Variants in ANKRD17 observed in about 807,000 individuals in gnomAD.
ANKRD17 encodes the protein ankyrin repeat domain 17, also known as ankyrin repeat domain-containing protein 17.
ANKRD17 carries 19 observed loss-of-function variants against 229.7 expected under a neutral mutation model. The ratio of observed to expected loss-of-function variants is 0.08; its 90% confidence interval spans 0.06 to 0.12. The LOEUF (loss-of-function observed/expected upper bound fraction) is 0.12, where lower values mean the gene tolerates loss of function less well. Among genes scored for constraint, ANKRD17 ranks in the 10% least tolerant of loss-of-function variants. ANKRD17 has a pLI of 1.00. For missense variants in ANKRD17, 2,176 were observed against 3,176.8 expected (o/e 0.68, Z 7.57); for synonymous variants, 1,112 against 1,146.1 (o/e 0.97, Z 0.60).
At chr4:73,106,953 A>G (rs1304877258) in intron 24 of ANKRD17, among the ~76,000 whole-genome samples, 1 of 151,890 alleles carries the variant, frequency 6.6e-6, no homozygotes, top group African/African-American at 2.4e-5. Context: ...TGAAGACAAA[A>G]GATAAGAGAG....
intron 1 of ANKRD17, among the ~76,000 whole-genome samples, chr4:73,240,441 C>A (rs1743911047): frequency 1.4e-5 from 2 of 141,766 alleles, no homozygotes; most frequent in South Asian, 2.3e-4. Context: ...TTGGGCAACA[C>A]AGCAAGACTA....
rs1030662893 is a variant in ANKRD17 at position 73,258,724 on chromosome 4, C to T, written c.-56G>A. On this transcript the variant is annotated 5_prime_UTR_variant, in exon 1 of 34. Coordinates refer to ENST00000358602, the MANE Select transcript of ANKRD17 (RefSeq NM_032217.5). ...GGAGGGGCGTGGGGCTACGCTCTAC[C>T]GCGACTTCGGCCGCACTGGGGCCGA... 7.2e-7 allele frequency: 1 copy of T among 1,388,856 alleles called. No individual in the cohort carries two copies. The allele number at this position is 1,388,856 out of a possible 1,614,324, so 86.0% of individuals were successfully genotyped here.
chr4:73,135,884 T>G (rs1312049105), intron 15 of ANKRD17, among the ~76,000 whole-genome samples: 2 of 152,176 alleles, frequency 1.3e-5, no homozygotes, highest in Non-Finnish European at 2.9e-5. Context: ...TGAAGAATTA[T>G]TCTGAGGGAG....
chr4:73,150,303 G>A (rs1730843775), intron 7 of ANKRD17, among the ~76,000 whole-genome samples: 1 of 152,056 alleles, frequency 6.6e-6, no homozygotes, highest in African/African-American at 2.4e-5. Flanking sequence ...AGTGCATGTT[G>A]GCTAGACCTA....
chr4:73,135,285 C>A lies in ANKRD17; in HGVS notation c.3086-20G>T. The A allele has an allele frequency of 6.3e-7, 1 of 1,599,500 alleles. No homozygotes were observed. The highest frequency in any genetic ancestry group is 8.5e-7 in the Non-Finnish European group (1 of 1,171,688). On this transcript the variant is annotated intron_variant, in intron 15 of 33. Transcript: ENST00000358602. Reference sequence around the variant, plus strand: ...TGACTGCTGTTGAACAAAATAACTGCACTTAATAAGGATGAAACATTGTTA... The same window carrying A: ...TGACTGCTGTTGAACAAAATAACTGAACTTAATAAGGATGAAACATTGTTA...
At chr4:73,204,142 A>G (rs1237117591) in intron 1 of ANKRD17, among the ~76,000 whole-genome samples, 2 of 151,992 alleles carry the variant, frequency 1.3e-5, no homozygotes, top group Non-Finnish European at 2.9e-5. Context: ...GGCGATCACG[A>G]GGTCAGGTCA....
intron 1 of ANKRD17, among the ~76,000 whole-genome samples, chr4:73,238,428 T>C (rs1299848402): frequency 1.3e-5 from 2 of 152,178 alleles, no homozygotes; most frequent in Non-Finnish European, 2.9e-5. Flanking sequence ...GTTTCAGAAA[T>C]ATTGAAGAGT....
chr4:73,214,888 G>T (rs977201705), intron 1 of ANKRD17, among the ~76,000 whole-genome samples: 1 of 108,244 alleles, frequency 9.2e-6, no homozygotes, highest in Non-Finnish European at 2.0e-5. Flanking sequence ...AAAAGAAAAA[G>T]AAATTTTTTC....
intron 1 of ANKRD17, among the ~76,000 whole-genome samples, chr4:73,235,062 C>A (rs1011423829): frequency 2.6e-5 from 4 of 152,152 alleles, no homozygotes; most frequent in African/African-American, 9.7e-5. Flanking sequence ...TTCAAAATTT[C>A]TTGGTCCTCT....
chr4:73,084,799 A>T (rs554432922), intron 30 of ANKRD17, among the ~76,000 whole-genome samples: 1 of 152,304 alleles, frequency 6.6e-6, no homozygotes, highest in Non-Finnish European at 1.5e-5. Context: ...ACTCAAGGGT[A>T]GAAATCTTTC....
In ANKRD17 at chr4:73,144,821, A is replaced by T; in HGVS notation, c.1881T>A (p.Ser627=). ...TCATTAAAGGAGTTCTTCCACCTTC[A>T]GATTCATGTTCCTGTTTAAAAAAAA... is the stretch of plus-strand genomic sequence containing the variant. The part of the protein sequence containing the change: ...LQAGADLEHE[S]EGGRTPLMKA... Residue 627 remains serine (S), a synonymous_variant, in exon 11 of 34, where the codon TCT becomes TCA. Coordinates refer to ENST00000358602, the MANE Select transcript of ANKRD17 (RefSeq NM_032217.5). 1 of 1,596,884 alleles carries T rather than the reference A, an allele frequency of 6.3e-7. No homozygotes were observed. The highest frequency in any genetic ancestry group is 8.5e-7 in the Non-Finnish European group (1 of 1,173,080).
At position 73,095,111 on chromosome 4, in the gene ANKRD17, T is replaced by G. The variant is rs113014922; in HGVS notation, c.5178-883A>C. ...ATCACTTGAATCCGGGAGATGGAGG[T>G]TGCTGTGGACTGAGATTGCACCACT... On this transcript the variant is annotated intron_variant, in intron 27 of 33. Coordinates refer to ENST00000358602, the MANE Select transcript of ANKRD17 (RefSeq NM_032217.5). Among the ~76,000 whole-genome samples the G allele has an allele frequency of 8.1e-3, 1,232 of 151,348 alleles. 19 individuals are homozygous for G. Among genetic ancestry groups the G allele is most frequent in the African/African-American group, 0.028 (1,157 of 41,186 alleles).
Position 73,161,182 on chromosome 4 carries a change from A to C in ANKRD17, c.704+10T>G. ...TGATTTCATACTGATGGCAGCAAAA[A>C]TGTACTTACTTGTCCGACTGCCCTG... On this transcript the variant is annotated intron_variant, in intron 3 of 33. Transcript: ENST00000358602. 6.2e-7 allele frequency: 1 copy of C among 1,608,600 alleles called. No individual in the cohort carries two copies. The highest frequency in any genetic ancestry group is 8.5e-7 in the Non-Finnish European group (1 of 1,178,480).
At chr4:73,159,419 C>G (rs1370434869) in intron 3 of ANKRD17, among the ~76,000 whole-genome samples, 1 of 152,174 alleles carries the variant, frequency 6.6e-6, no homozygotes, top group Non-Finnish European at 1.5e-5. Context: ...ACAGGATCTA[C>G]TCTAGCAACA....
In ANKRD17 at chr4:73,090,954, C is replaced by T; in HGVS notation, c.6674G>A (p.Ser2225Asn). 6.2e-7 allele frequency: 1 copy of T among 1,614,176 alleles called. No individual in the cohort carries two copies. Among genetic ancestry groups the T allele is most frequent in the African/African-American group, 1.3e-5 (1 of 75,024 alleles). ...TGAATTCTGACAAGCACTTTGTGTA[C>T]TTAAGGTCGAAGGTAGCTGGACAGA... Reference protein sequence around the residue: ...PSSVQLPSTLSTQSACQNSVH... With the variant: ...PSSVQLPSTLNTQSACQNSVH... Residue 2225 changes from serine (S) to asparagine (N), a missense_variant, in exon 29 of 34, where the codon AGT (serine) becomes AAT (asparagine). By Grantham distance (46) the Ser-to-Asn change is conservative (BLOSUM62 1). Around this residue, in one of 18 missense-constraint regions of ANKRD17, gnomAD observed 424 missense variants for 454.0 expected, o/e 0.93. Transcript: ENST00000358602.
rs1720922511 is a variant in ANKRD17 at position 73,075,178 on chromosome 4, A to G, written c.*1053T>C. 1 of 152,152 alleles carries G rather than the reference A, an allele frequency of 6.6e-6. No homozygotes were observed. Among genetic ancestry groups the G allele is most frequent in the South Asian group, 2.1e-4 (1 of 4,836 alleles). The allele number at this position is 152,152 out of a possible 1,614,324, so 9.4% of individuals were successfully genotyped here. The stretch of plus-strand genomic sequence containing the variant: ...TAAATTACTGAAAATTGAAATTTTT[A>G]TGTTGACTGTTGATGACTGAAAAGC... On this transcript the variant is annotated 3_prime_UTR_variant, in exon 34 of 34. Transcript: ENST00000358602.
At chr4:73,143,797 G>A (rs543246925) in intron 11 of ANKRD17, among the ~76,000 whole-genome samples, 1 of 152,250 alleles carries the variant, frequency 6.6e-6, no homozygotes, top group South Asian at 2.1e-4. Flanking sequence ...CTGGAGTGCA[G>A]TGGCACAATC....
chr4:73,187,110 T>C (rs1736404657), intron 1 of ANKRD17, among the ~76,000 whole-genome samples: 1 of 152,196 alleles, frequency 6.6e-6, no homozygotes, highest in Admixed American at 6.5e-5. Flanking sequence ...TCAGACTTCC[T>C]AAATACAGCA....
chr4:73,174,901 C>T (rs1456521606), intron 2 of ANKRD17, among the ~76,000 whole-genome samples: 1 of 152,046 alleles, frequency 6.6e-6, no homozygotes, highest in Non-Finnish European at 1.5e-5. Context: ...AACTATAAAA[C>T]ACTGTTGCAA....
Sources: allele counts gnomAD v4.1 joint callset (sites outside exome capture counted in the v4.1 genomes callset), GRCh38; gene constraint gnomAD v4.1.1; regional missense constraint gnomAD v4.1.1; transcripts MANE v1.5; gene names NCBI Gene and HGNC (gene_info 2026-07-23, HGNC 2026-07-21).